The following MFSD12 variants were observed in gnomAD, a reference collection of about 807,000 sequenced individuals.
The protein encoded by MFSD12 is major facilitator superfamily domain-containing protein 12.
A neutral mutation model predicts 51.2 loss-of-function variants in MFSD12; 67 were observed. The observed-to-expected ratio is 1.31, with a 90% CI of 1.08 to 1.60. The LOEUF is 1.60. Among genes scored for constraint, MFSD12 ranks in the 40% most tolerant of loss-of-function variants. MFSD12 has a pLI of 0.00. For missense variants in MFSD12, 921 were observed against 673.0 expected (o/e 1.37, Z -4.08); for synonymous variants, 441 against 316.7 (o/e 1.39, Z -4.17).
Position 3,544,825 on chromosome 19 carries a change from C to T in MFSD12, c.1404G>A (p.Pro468=), listed in dbSNP as rs142464227. The change falls in exon 9 of 10, where the codon CCG becomes CCA. Residue 468 remains proline, a synonymous_variant. Coordinates refer to ENST00000355415, the MANE Select transcript of MFSD12 (RefSeq NM_174983.5). The part of the protein sequence containing the change: ...ALCLCSLLLW[P]TRLRRWDRDA... ...AGGACTCACAGCGTCGCAGGCGGGT[C>T]GGCCACAGCAGGAGGCTACAGAGAC... 1.1e-4 allele frequency: 184 copies of T among 1,612,298 alleles called. No individual in the cohort carries two copies. In the East Asian group the frequency reaches 2.4e-3, roughly 21 times the overall value.
At chr19:3,546,660 G>A (rs548211999) in intron 6 of MFSD12, among the ~76,000 whole-genome samples, 41 of 152,356 alleles carry the variant, frequency 2.7e-4, no homozygotes, top group Admixed American at 1.8e-3. Context: ...CTGCCTGAGC[G>A]CAGGTCAGTT....
Position 3,557,229 on chromosome 19 carries a change from C to A in MFSD12, c.175G>T (p.Gly59Trp), listed in dbSNP as rs536952924. ...ACCTGGCCCAGCAGCAGCAGCAGCC[C>A]CGCGCCGCGGGAGCTGTAGGCGCGC... ...SVRAYSSRGA[G>W]LLLLLGQVAD... The change falls in exon 1 of 10, where the codon GGG becomes TGG. Residue 59 changes from glycine to tryptophan, a missense_variant. Coordinates refer to ENST00000355415, the MANE Select transcript of MFSD12 (RefSeq NM_174983.5). The A allele has an allele frequency of 6.3e-7, 1 of 1,590,740 alleles. No homozygotes were observed. Among genetic ancestry groups the A allele is most frequent in the East Asian group, 2.3e-5 (1 of 43,170 alleles).
chr19:3,547,662 G>C, intron 4 of MFSD12, 115 bp from the exon 5 acceptor site: 9 of 1,187,532 alleles, frequency 7.6e-6, no homozygotes, highest in Non-Finnish European at 1.1e-5. Flanking sequence ...TGATCCATTG[G>C]TAGTGACTGC....
downstream of MFSD12, chr19:3,542,945 CCT>C (rs769121005): frequency 5.3e-6 from 8 of 1,495,936 alleles, no homozygotes; most frequent in Non-Finnish European, 4.5e-6. Flanking sequence ...GGGCCCTTGT[CCT>C]CTCCCCTCCC....
At chr19:3,547,686 C>A in intron 4 of MFSD12, 139 bp from the exon 5 acceptor site, 1 of 1,178,802 alleles carries the variant, frequency 8.5e-7, no homozygotes. Context: ...GTGGGGTGGG[C>A]CAGGAAGAGG....
downstream of MFSD12, chr19:3,539,214 A>G (rs1353663781): frequency 4.5e-6 from 7 of 1,547,502 alleles, no homozygotes; most frequent in Non-Finnish European, 6.1e-6. Context: ...ACGGCCCTGT[A>G]TCCCCTCGGG....
intron 2 of MFSD12, among the ~76,000 whole-genome samples, chr19:3,550,493 A>G (rs574108292): frequency 1.1e-4 from 16 of 151,190 alleles, no homozygotes; most frequent in African/African-American, 2.4e-4. Flanking sequence ...CCGGGTTCAC[A>G]CCATTCTCCT....
chr19:3,544,554 G>A lies in MFSD12; in HGVS notation c.*156C>T. The A allele has an allele frequency of 1.4e-6, 2 of 1,435,520 alleles. No individual in the cohort carries two copies. Among genetic ancestry groups the A allele is most frequent in the South Asian group, 1.5e-5 (1 of 66,652 alleles). The allele number at this position is 1,435,520 out of a possible 1,614,324, so 88.9% of individuals were successfully genotyped here. On this transcript the variant is annotated 3_prime_UTR_variant, in exon 10 of 10. Transcript: ENST00000355415. ...CAAGTCCCTGGCGGGCATCCCTGCT[G>A]CCCTCACCCGACCCCACCCCCGGGA...
intron 2 of MFSD12, 105 bp downstream of exon 2, chr19:3,550,878 TG>T: frequency 2.2e-6 from 2 of 899,706 alleles, no homozygotes; most frequent in Non-Finnish European, 3.4e-6. Context: ...AAAGACTGCC[TG>T]GTCTCGAGCT....
chr19:3,549,307 G>C (rs72976627), intron 2 of MFSD12, among the ~76,000 whole-genome samples: 3 of 152,196 alleles, frequency 2.0e-5, no homozygotes, highest in Non-Finnish European at 4.4e-5. Context: ...AGCAGCAGCT[G>C]TAAGTCCACC....
chr19:3,544,009 A>C, downstream of MFSD12: 1 of 1,536,596 alleles, frequency 6.5e-7, no homozygotes, highest in South Asian at 1.2e-5. Flanking sequence ...ACTCCCCGAT[A>C]AAGGCATGCT....
At chr19:3,555,909 A>T (rs1240435663) in intron 1 of MFSD12, among the ~76,000 whole-genome samples, 2 of 152,220 alleles carry the variant, frequency 1.3e-5, no homozygotes, top group African/African-American at 4.8e-5. Context: ...AGGGGAGAGG[A>T]GGGCCGCTGG....
rs764482912 is a variant in MFSD12, at chr19:3,547,918, AG to A, written c.766del (p.Leu256CysfsTer30). On this transcript the variant is annotated frameshift_variant, in exon 4 of 10. Coordinates refer to ENST00000355415, the MANE Select transcript of MFSD12 (RefSeq NM_174983.5). LOFTEE classifies it high-confidence loss of function. Reference sequence around the variant, plus strand: ...GGGCTGGGCCGTGGCAGGGGCCAACAGGGGGGTGTGCTCGCCTGGCTCCTCC... The same window carrying A: ...GGGCTGGGCCGTGGCAGGGGCCAACAGGGGGTGTGCTCGCCTGGCTCCTCC... ...HAEEPGEHTP[L>X]LAPATAQPLL... 1.9e-6 allele frequency: 3 copies of A among 1,577,598 alleles called. No homozygotes were observed. Among genetic ancestry groups the A allele is most frequent in the Admixed American group, 2.0e-5 (1 of 50,678 alleles).
chr19:3,540,449 G>T (rs2030286260), downstream of MFSD12, among the ~76,000 whole-genome samples: 1 of 151,394 alleles, frequency 6.6e-6, no homozygotes, highest in Non-Finnish European at 1.5e-5. Context: ...GTAGAGACGG[G>T]GTTTCACCAT....
chr19:3,546,576 G>C, intron 6 of MFSD12, 151 bp from the exon 7 acceptor site: 1 of 925,078 alleles, frequency 1.1e-6, no homozygotes, highest in Non-Finnish European at 1.6e-6. Flanking sequence ...ACACAACACC[G>C]AGGCTCTGCA....
chr19:3,556,370 G>C (rs1173695489), intron 1 of MFSD12, among the ~76,000 whole-genome samples: 1 of 152,244 alleles, frequency 6.6e-6, no homozygotes, highest in Non-Finnish European at 1.5e-5. Flanking sequence ...ATTCCCACTA[G>C]AAAGTCATGT....
rs1376435128 is a variant in MFSD12, at chr19:3,544,807, A to C, written c.1420+2T>G. The stretch of plus-strand genomic sequence containing the variant: ...GGGAGGGAGGGGTGGGCCAGGACTC[A>C]CAGCGTCGCAGGCGGGTCGGCCACA... On this transcript the variant is annotated splice_donor_variant, in intron 9 of 9. Coordinates refer to ENST00000355415, the MANE Select transcript of MFSD12 (RefSeq NM_174983.5). LOFTEE classifies it high-confidence loss of function. The C allele has an allele frequency of 1.2e-6, 2 of 1,612,106 alleles. No individual in the cohort carries two copies. The highest frequency in any genetic ancestry group is 1.7e-5 in the Admixed American group (1 of 59,932).
downstream of MFSD12, chr19:3,543,654 A>G (rs1259804819): frequency 6.5e-7 from 1 of 1,543,078 alleles, no homozygotes; most frequent in Non-Finnish European, 8.7e-7. Context: ...CTGTGGAAAG[A>G]CAGGCCAATC....
chr19:3,544,365 G>C lies in MFSD12; in HGVS notation c.*345C>G, dbSNP rs912366269. 3.9e-6 allele frequency: 5 copies of C among 1,278,150 alleles called. No homozygotes were observed. The East Asian group carries it at 9.3e-5, about 24-fold the overall frequency. 79.2% of individuals were successfully genotyped at this position (1,278,150 alleles called of 1,614,324 possible). A position where few individuals can be genotyped will look rare whatever the true frequency, so the allele number is the denominator to read the frequency against. ...GCAGTGTCTGGAGACCCCCAGGCTG[G>C]AGGTGAGGGGTGAACTGGACTGAGC... is the stretch of plus-strand genomic sequence containing the variant. On this transcript the variant is annotated 3_prime_UTR_variant, in exon 10 of 10. Coordinates refer to ENST00000355415, the MANE Select transcript of MFSD12 (RefSeq NM_174983.5).
Sources: allele counts gnomAD v4.1 joint callset (sites outside exome capture counted in the v4.1 genomes callset), GRCh38; gene constraint gnomAD v4.1.1; transcripts MANE v1.5; gene names NCBI Gene and HGNC (gene_info 2026-07-23, HGNC 2026-07-21).